Variants in MYO16 observed in about 807,000 individuals in gnomAD.
MYO16 encodes unconventional myosin-XVI.
A neutral mutation model predicts 205.3 loss-of-function variants in MYO16; 94 were observed. That is an observed-to-expected ratio of 0.46 (90% confidence interval 0.39 to 0.54). The LOEUF is 0.54. Ranked by LOEUF, MYO16 falls within the 20% of genes least tolerant of loss-of-function variation. The probability of loss-of-function intolerance (pLI) is 0.00; values close to 1 mark genes in which losing one functional copy is unlikely to be tolerated. For missense variants in MYO16, 2,315 were observed against 2,387.5 expected (o/e 0.97, Z 0.63); for synonymous variants, 988 against 954.0 (o/e 1.04, Z -0.66).
chr13:108,759,475 T>C (rs1398439306), intron 4 of MYO16, among the ~76,000 whole-genome samples: 1 of 152,108 alleles, frequency 6.6e-6, no homozygotes, highest in Non-Finnish European at 1.5e-5. Flanking sequence ...TTCTTTGAGA[T>C]AGGAAATGAG....
At chr13:109,062,543 A>T (rs774488639) in intron 27 of MYO16, among the ~76,000 whole-genome samples, 1 of 152,128 alleles carries the variant, frequency 6.6e-6, no homozygotes, top group Non-Finnish European at 1.5e-5. Context: ...CTGTAATGGC[A>T]TATCAGTGGA....
chr13:109,011,303 G>A (rs183328390), intron 22 of MYO16, among the ~76,000 whole-genome samples: 2 of 152,052 alleles, frequency 1.3e-5, no homozygotes, highest in African/African-American at 2.4e-5. Flanking sequence ...GAAGGTGGCT[G>A]TCATTATTGC....
chr13:109,071,820 A>G (rs745595622), intron 27 of MYO16, among the ~76,000 whole-genome samples: 18 of 152,182 alleles, frequency 1.2e-4, no homozygotes, highest in Non-Finnish European at 2.4e-4. Flanking sequence ...TAAAATATCT[A>G]TTGGTCTTGT....
rs1054311297 is a variant in MYO16 at position 108,920,388 on chromosome 13, C to CTCCT, written c.1925+10253_1925+10256dup. 1.1e-4 allele frequency among the ~76,000 whole-genome samples: 16 copies of CTCCT among 148,872 alleles called. No individual in the cohort carries two copies. In the East Asian group the frequency reaches 2.4e-3, roughly 22 times the overall value. ...TCTCTCTTTCTTTCCTTCTCTCTCT[C>CTCCT]TCCTTCCTTCCTTCCTTCTCTCTCT... On this transcript the variant is annotated intron_variant, in intron 16 of 34. Transcript: ENST00000457511.
intron 28 of MYO16, chr13:109,101,843 A>T (rs1002809806): frequency 6.6e-6 from 1 of 152,216 alleles, no homozygotes; most frequent in African/African-American, 2.4e-5. Context: ...TCTATGAGTA[A>T]AAATATATGA....
intron 32 of MYO16, among the ~76,000 whole-genome samples, chr13:109,159,859 G>A (rs894983950): frequency 1.3e-5 from 2 of 152,256 alleles, no homozygotes; most frequent in Non-Finnish European, 2.9e-5. Context: ...AGGGGGGCTG[G>A]GGCCCAAGGC....
the MYO16 span, among the ~76,000 whole-genome samples, chr13:108,539,095 G>A: frequency 1.3e-5 from 2 of 152,146 alleles, no homozygotes; most frequent in South Asian, 4.1e-4. Context: ...AAAATAGACT[G>A]CCTGAGTTGT....
rs58117690 is a variant in MYO16, at chr13:108,871,322, T to TTGTGTGTG, written c.1425+5114_1425+5121dup. ...TGAGGTCTGTTTCTACTATGTGACTTTGTGTGTGTGTGTGTGTGTGTGTGT... is the reference window on the plus strand; with the variant it reads ...TGAGGTCTGTTTCTACTATGTGACTTTGTGTGTGTGTGTGTGTGTGTGTGTGTGTGTGT... On this transcript the variant is annotated intron_variant, in intron 12 of 34. Transcript: ENST00000457511. 0.017 allele frequency among the ~76,000 whole-genome samples: 2,230 copies of TTGTGTGTG among 131,508 alleles called. 71 individuals carry two copies. In the East Asian group the frequency reaches 0.18, roughly 11 times the overall value. The allele number at this position is 131,508 out of a possible 152,430, so 86.3% of individuals were successfully genotyped here. A position where few individuals can be genotyped will look rare whatever the true frequency, so the allele number is the denominator to read the frequency against.
the MYO16 span, among the ~76,000 whole-genome samples, chr13:108,542,603 T>C: frequency 6.6e-6 from 1 of 152,194 alleles, no homozygotes. Context: ...GATTAGCCTT[T>C]ATTTTGAAAT....
chr13:109,179,461 T>C (rs113412298), intron 33 of MYO16, 81 bp from the exon 34 acceptor site: 17 of 836,222 alleles, frequency 2.0e-5, no homozygotes, highest in African/African-American at 1.2e-4. Context: ...ACAATTCTAG[T>C]TTATTGTAAT....
Position 108,797,413 on chromosome 13 carries a change from T to A in MYO16, c.741+3773T>A, listed in dbSNP as rs534493374. Among the ~76,000 whole-genome samples the A allele has an allele frequency of 7.2e-5, 11 of 152,230 alleles. No individual in the cohort carries two copies. The South Asian group carries it at 1.7e-3, about 23-fold the overall frequency. ...AGGAAAGAAATTTGGGACCAAGCCA[T>A]GGAGATGAAGAAGAGGAGGCTCCAG... On this transcript the variant is annotated intron_variant, in intron 6 of 34. Coordinates refer to ENST00000457511, the MANE Select transcript of MYO16 (RefSeq NM_001198950.3).
At position 108,798,688 on chromosome 13, in the gene MYO16, A is replaced by ATTTTT. The variant is rs35432777; in HGVS notation, c.741+5072_741+5076dup. Among the ~76,000 whole-genome samples the ATTTTT allele has an allele frequency of 3.3e-3, 231 of 70,368 alleles. 40 individuals carry two copies. The highest frequency in any genetic ancestry group is 0.012 in the African/African-American group (207 of 16,708). The allele number at this position is 70,368 out of a possible 152,430, so 46.2% of individuals were successfully genotyped here. A position where few individuals can be genotyped will look rare whatever the true frequency, so the allele number is the denominator to read the frequency against. ...TATATCACATCTGGCCCCGAGGCTT[A>ATTTTT]TTTTTTTTTTTTTTTTTTTTTTTTT... On this transcript the variant is annotated intron_variant, in intron 6 of 34. Coordinates refer to ENST00000457511, the MANE Select transcript of MYO16 (RefSeq NM_001198950.3).
At chr13:108,714,213 G>T (rs942416247) in intron 3 of MYO16, among the ~76,000 whole-genome samples, 3 of 152,000 alleles carry the variant, frequency 2.0e-5, no homozygotes, top group Non-Finnish European at 4.4e-5. Context: ...CCGCCATCAC[G>T]CCCAGCGAAT....
intron 20 of MYO16, 59 bp downstream of exon 20, chr13:108,964,961 T>C (rs1883733982): frequency 1.3e-6 from 2 of 1,554,704 alleles, no homozygotes; most frequent in African/African-American, 1.4e-5. Flanking sequence ...ACTTAAAGGC[T>C]CAACTCCAAA....
At chr13:108,868,493 A>G (rs1023966722) in intron 12 of MYO16, among the ~76,000 whole-genome samples, 12 of 152,322 alleles carry the variant, frequency 7.9e-5, no homozygotes, top group South Asian at 2.1e-4. Context: ...TGGTTCATCT[A>G]CCTTTTTTAT....
intron 16 of MYO16, among the ~76,000 whole-genome samples, chr13:108,953,289 T>C (rs569934018): frequency 1.3e-5 from 2 of 152,342 alleles, no homozygotes; most frequent in East Asian, 3.9e-4. Context: ...TTTCAAAATG[T>C]TTATTTTACT....
At chr13:109,025,993 A>T (rs532783079) in intron 23 of MYO16, among the ~76,000 whole-genome samples, 1 of 152,206 alleles carries the variant, frequency 6.6e-6, no homozygotes, top group Non-Finnish European at 1.5e-5. Flanking sequence ...GAAAATTTAT[A>T]TTAGCATGAA....
At chr13:108,795,199 C>T (rs201433743) in intron 6 of MYO16, among the ~76,000 whole-genome samples, 1 of 146,904 alleles carries the variant, frequency 6.8e-6, no homozygotes, top group Non-Finnish European at 1.5e-5. Flanking sequence ...TTCTTACTTT[C>T]TTTTTTTTTT....
In MYO16 at chr13:109,075,077, AT is replaced by A. The variant is rs1200564416; in HGVS notation, c.3335+19483del. 9.9e-5 allele frequency among the ~76,000 whole-genome samples: 15 copies of A among 152,162 alleles called. No individual in the cohort carries two copies. The East Asian group carries it at 2.5e-3, about 25-fold the overall frequency. The stretch of plus-strand genomic sequence containing the variant: ...TATTGCTGAGTTGTCTTAATTTTGT[AT>A]ATTTACACACCCATTGATAGATATT... On this transcript the variant is annotated intron_variant, in intron 27 of 34. Coordinates refer to ENST00000457511, the MANE Select transcript of MYO16 (RefSeq NM_001198950.3).
Sources: gnomAD v4.1 joint callset for allele counts (sites outside exome capture counted in the v4.1 genomes callset) on GRCh38, gnomAD v4.1.1 for gene constraint, MANE v1.5 for transcripts, NCBI Gene and HGNC (gene_info 2026-07-23, HGNC 2026-07-21) for gene names.